Variants in CDC42BPG observed in about 807,000 individuals in gnomAD.
CDC42BPG encodes the protein serine/threonine-protein kinase MRCK gamma.
A neutral mutation model predicts 192.2 loss-of-function variants in CDC42BPG; 157 were observed. That is an observed-to-expected ratio of 0.82 (90% CI 0.72 to 0.93). The LOEUF is 0.93. CDC42BPG is among the 40% of genes least tolerant of loss of function. CDC42BPG has a pLI of 0.00. For missense variants in CDC42BPG, 1,992 were observed against 2,122.1 expected (o/e 0.94, Z 1.20); for synonymous variants, 981 against 918.5 (o/e 1.07, Z -1.23).
intron 1 of CDC42BPG, among the ~76,000 whole-genome samples, chr11:64,843,340 A>AT (rs1943364860): frequency 6.6e-6 from 1 of 151,668 alleles, no homozygotes; most frequent in Admixed American, 6.5e-5. Flanking sequence ...TGTGGGTGTC[A>AT]TGGGGGGGGT....
intron 9 of CDC42BPG, among the ~76,000 whole-genome samples, 162 bp from the exon 10 acceptor site, chr11:64,837,181 G>A (rs531756226): frequency 2.7e-4 from 41 of 152,372 alleles, no homozygotes; most frequent in Non-Finnish European, 4.3e-4. Flanking sequence ...CGGGGTAGCA[G>A]CTGCAGGGCA....
At chr11:64,834,674 C>T (rs889767799) in intron 18 of CDC42BPG, 97 bp from the exon 19 acceptor site, 6 of 1,434,302 alleles carry the variant, frequency 4.2e-6, no homozygotes, top group Non-Finnish European at 5.5e-6. Flanking sequence ...TGCCACCCAG[C>T]CAGGCTCAAA....
At chr11:64,833,003 G>C in intron 24 of CDC42BPG, 44 bp from the exon 25 acceptor site, 1 of 1,493,716 alleles carries the variant, frequency 6.7e-7, no homozygotes. Context: ...GGCTGGGAGG[G>C]GACAGCCCCA....
intron 30 of CDC42BPG, 121 bp downstream of exon 30, chr11:64,829,349 TG>T: frequency 7.8e-7 from 1 of 1,281,870 alleles, no homozygotes; most frequent in Non-Finnish European, 1.1e-6. Context: ...GTTGTTGGGC[TG>T]GAGGATGCAA....
chr11:64,835,712 G>T (rs780989773), intron 14 of CDC42BPG, 50 bp downstream of exon 14: 1 of 1,609,446 alleles, frequency 6.2e-7, no homozygotes, highest in Non-Finnish European at 8.5e-7. Context: ...CTCTGAGTGG[G>T]GTCAGGCTGG....
At chr11:64,825,675 C>T (rs916070455) in intron 36 of CDC42BPG, among the ~76,000 whole-genome samples, 5 of 152,196 alleles carry the variant, frequency 3.3e-5, no homozygotes, top group African/African-American at 1.2e-4. Flanking sequence ...TGGGAACCTC[C>T]CTGGCTTCTC....
In CDC42BPG at chr11:64,836,988, C is replaced by T. The variant is rs1943048706; in HGVS notation, c.1237G>A (p.Ala413Thr). 1 of 1,613,490 alleles carries T rather than the reference C, an allele frequency of 6.2e-7. No individual in the cohort carries two copies. Among genetic ancestry groups the T allele is most frequent in the African/African-American group, 1.3e-5 (1 of 74,934 alleles). ...CACTGGAGCTTCCGCTCCAGGGCAG[C>T]CCAAGCCTCAGAGCTGCTCTCAGGA... is the stretch of plus-strand genomic sequence containing the variant. Reference protein sequence around the residue: ...HSPESSSEAWAALERKLQCLE... With the variant: ...HSPESSSEAWTALERKLQCLE... The change falls in exon 10 of 37, where the codon GCT (alanine) becomes ACT (threonine). Residue 413 changes from alanine to threonine, a missense_variant. By Grantham distance (58) the Ala-to-Thr change is moderately conservative. This residue lies in a region of CDC42BPG where 1,656 missense variants were observed against 1,844.3 expected (regional missense o/e 0.90). Coordinates refer to ENST00000342711, the MANE Select transcript of CDC42BPG (RefSeq NM_017525.3).
intron 36 of CDC42BPG, among the ~76,000 whole-genome samples, chr11:64,825,827 A>G (rs148839103): frequency 0.018 from 2,694 of 152,234 alleles, 271 homozygotes; most frequent in Admixed American, 0.16. Flanking sequence ...ACACTTTGGG[A>G]GGCCAAGGTG....
rs370759862 is a variant in CDC42BPG at position 64,832,955 on chromosome 11, G to A, written c.2736C>T (p.Cys912=). Residue 912 remains cysteine, a synonymous_variant, in exon 25 of 37, where the codon TGC becomes TGT. Coordinates refer to ENST00000342711, the MANE Select transcript of CDC42BPG (RefSeq NM_017525.3). Reference sequence around the variant, plus strand: ...CACAGGTTGTGTGACAAAAGTAGCCGCAGGCTGTGGGGAAAGTGGAGAAGG... The same window carrying A: ...CACAGGTTGTGTGACAAAAGTAGCCACAGGCTGTGGGGAAAGTGGAGAAGG... ...LGRQGLGCDA[C]GYFCHTTCAP... is the part of the protein sequence containing the mutation. 5.7e-5 allele frequency: 87 copies of A among 1,528,914 alleles called. 1 individual carries two copies. The South Asian group carries it at 5.8e-4, about 10-fold the overall frequency. 94.7% of individuals were successfully genotyped at this position (1,528,914 alleles called of 1,614,324 possible).
chr11:64,835,713 G>A (rs750198782), intron 14 of CDC42BPG, 49 bp downstream of exon 14: 1 of 1,609,796 alleles, frequency 6.2e-7, no homozygotes, highest in Non-Finnish European at 8.5e-7. Context: ...TCTGAGTGGG[G>A]TCAGGCTGGT....
In CDC42BPG at chr11:64,829,792, G is replaced by GCCAGGGC. The variant is rs1565673499; in HGVS notation, c.3639_3645dup (p.Gln1216AlafsTer8). ...GCCTGCAGCTCACGGATGCGGCGCT[G>GCCAGGGC]CCAGGGCCCAGGGCCCGGGCCCAGC... On this transcript the variant is annotated frameshift_variant, in exon 30 of 37. Transcript: ENST00000342711. LOFTEE classifies it high-confidence loss of function. 4 of 1,601,050 alleles carry GCCAGGGC rather than the reference G, an allele frequency of 2.5e-6. No homozygotes were observed. Among genetic ancestry groups the GCCAGGGC allele is most frequent in the Admixed American group, 1.8e-5 (1 of 56,964 alleles).
chr11:64,829,973 C>T lies in CDC42BPG; in HGVS notation c.3465G>A (p.Val1155=). The T allele has an allele frequency of 6.2e-7, 1 of 1,612,826 alleles. No individual in the cohort carries two copies. Among genetic ancestry groups the T allele is most frequent in the Non-Finnish European group, 8.5e-7 (1 of 1,179,830 alleles). ...CCAGCTCCGCCAGGGCAAAGAGACGCACGCTGGGGCCGCGGCCACACAGCA... is the reference window on the plus strand; with the variant it reads ...CCAGCTCCGCCAGGGCAAAGAGACGTACGCTGGGGCCGCGGCCACACAGCA... ...LVVLCGRGPS[V]RLFALAELEN... The change falls in exon 30 of 37, where the codon GTG becomes GTA. Residue 1155 remains valine, a synonymous_variant. Coordinates refer to ENST00000342711, the MANE Select transcript of CDC42BPG (RefSeq NM_017525.3).
intron 3 of CDC42BPG, 73 bp downstream of exon 3, chr11:64,841,577 A>G: frequency 6.3e-5 from 54 of 862,992 alleles, no homozygotes; most frequent in East Asian, 2.6e-4. Flanking sequence ...CCCGCGCCAT[A>G]GGCCCTGGCA....
chr11:64,831,833 G>A (rs1470741442), intron 27 of CDC42BPG, 112 bp from the exon 28 acceptor site: 4 of 927,048 alleles, frequency 4.3e-6, no homozygotes, highest in Admixed American at 4.6e-5. Flanking sequence ...ACTGTCAGCA[G>A]CAGGGAGTAG....
Position 64,836,538 on chromosome 11 carries a change from GA to G in CDC42BPG, c.1385-9del. ...CCTTGTCCCTCAGCATCTCTGCCAGGAAGAGTCACTGAGACCTCGAGTGCTG... is the reference window on the plus strand; with the variant it reads ...CCTTGTCCCTCAGCATCTCTGCCAGGAGAGTCACTGAGACCTCGAGTGCTG... On this transcript the variant is annotated splice_polypyrimidine_tract_variant and intron_variant, in intron 11 of 36. Transcript: ENST00000342711. 1 of 1,611,710 alleles carries G rather than the reference GA, an allele frequency of 6.2e-7. No homozygotes were observed. Among genetic ancestry groups the G allele is most frequent in the Non-Finnish European group, 8.5e-7 (1 of 1,178,596 alleles).
Position 64,829,792 on chromosome 11 carries a change from G to A in CDC42BPG, c.3646C>T (p.Gln1216Ter), listed in dbSNP as rs1565673494. 6.2e-7 allele frequency: 1 copy of A among 1,601,048 alleles called. No homozygotes were observed. Among genetic ancestry groups the A allele is most frequent in the Non-Finnish European group, 8.5e-7 (1 of 1,175,808 alleles). The stretch of plus-strand genomic sequence containing the variant: ...GCCTGCAGCTCACGGATGCGGCGCT[G>A]CCAGGGCCCAGGGCCCGGGCCCAGC... Reference protein sequence around the residue: ...YQLGPGPGPWQRRIRELQAPA... With the variant: ...YQLGPGPGPW Residue 1216 changes from glutamine (Q) to a stop codon, truncating the protein, a stop_gained, in exon 30 of 37, where the codon CAG becomes TAG. Coordinates refer to ENST00000342711, the MANE Select transcript of CDC42BPG (RefSeq NM_017525.3). LOFTEE classifies it high-confidence loss of function.
intron 19 of CDC42BPG, 36 bp downstream of exon 19, chr11:64,834,393 C>G: frequency 2.6e-6 from 4 of 1,557,672 alleles, no homozygotes; most frequent in Admixed American, 1.8e-5. Flanking sequence ...GGCCTCTGTG[C>G]GGGCCCTGGC....
At position 64,838,170 on chromosome 11, in the gene CDC42BPG, G is replaced by A. The variant is rs1416289354; in HGVS notation, c.1126-8C>T. ...GGGCGGTGGCAGGGTCCCCTGCAGA[G>A]GGAGAGGGAAGGAGAGTCAGAGTCC... On this transcript the variant is annotated splice_region_variant and splice_polypyrimidine_tract_variant and intron_variant, in intron 8 of 36. Transcript: ENST00000342711. The A allele has an allele frequency of 2.6e-6, 4 of 1,549,820 alleles. No individual in the cohort carries two copies. The highest frequency in any genetic ancestry group is 2.0e-5 in the Admixed American group (1 of 51,090).
In CDC42BPG at chr11:64,826,721, C is replaced by G; in HGVS notation, c.4463G>C (p.Arg1488Pro). 1.9e-6 allele frequency: 3 copies of G among 1,549,118 alleles called. No homozygotes were observed. Among genetic ancestry groups the G allele is most frequent in the Non-Finnish European group, 2.6e-6 (3 of 1,148,232 alleles). ...TTCGCTGCCCATGGAGGCTGGGCGC[C>G]GCAACGCCTCGGAGAAGCTGTGGGG... ...QRPHSFSEAL[R>P]RPASMGSEGL... The change falls in exon 35 of 37, where the codon CGG becomes CCG. Residue 1488 changes from arginine to proline, a missense_variant. Transcript: ENST00000342711.
Sources: allele counts gnomAD v4.1 joint callset (sites outside exome capture counted in the v4.1 genomes callset), GRCh38; gene constraint gnomAD v4.1.1; regional missense constraint gnomAD v4.1.1; transcripts MANE v1.5; gene names NCBI Gene and HGNC (gene_info 2026-07-23, HGNC 2026-07-21).